DCC: variants seen among roughly 807,000 people sequenced by gnomAD.
The protein encoded by DCC is netrin receptor DCC.
A neutral mutation model predicts 172.5 loss-of-function variants in DCC; 58 were observed. That is an observed-to-expected ratio of 0.34 (90% CI 0.27 to 0.42). The LOEUF is 0.42. DCC is among the 10% of genes least tolerant of loss of function. The pLI, the probability that DCC is intolerant of heterozygous loss-of-function variation, is 1.00. For synonymous variants in DCC, 709 were observed against 644.5 expected (o/e 1.10, Z -1.52); for missense variants, 1,740 against 1,791.0 (o/e 0.97, Z 0.51).
chr18:53,471,721 G>T (rs1012171508), intron 25 of DCC, among the ~76,000 whole-genome samples: 5 of 152,036 alleles, frequency 3.3e-5, no homozygotes, highest in Non-Finnish European at 7.4e-5. Flanking sequence ...ATCTCTTTTT[G>T]TAGATATTTA....
intron 7 of DCC, among the ~76,000 whole-genome samples, chr18:53,079,589 G>A (rs139587784): frequency 2.1e-4 from 32 of 152,288 alleles, no homozygotes; most frequent in African/African-American, 7.5e-4. Context: ...TAATAGGGAA[G>A]TTTGGCATAG....
chr18:53,304,886 A>G (rs2057181106), intron 12 of DCC, among the ~76,000 whole-genome samples: 1 of 151,958 alleles, frequency 6.6e-6, no homozygotes, highest in South Asian at 2.1e-4. Flanking sequence ...CCTAAATCTC[A>G]TCTTGAATTG....
At chr18:53,196,946 G>A (rs138037965) in intron 9 of DCC, among the ~76,000 whole-genome samples, 201 of 152,158 alleles carry the variant, frequency 1.3e-3, no homozygotes, top group South Asian at 9.3e-3. Context: ...CAGTCAAGGA[G>A]AGGTTTCATT....
chr18:52,343,543 T>G (rs1037934787), intron 1 of DCC, among the ~76,000 whole-genome samples: 1 of 152,160 alleles, frequency 6.6e-6, no homozygotes, highest in African/African-American at 2.4e-5. Context: ...GGGAGGAGGA[T>G]GGTGACTTTT....
At chr18:52,641,212 A>G (rs147336441) in intron 1 of DCC, among the ~76,000 whole-genome samples, 1,883 of 152,348 alleles carry the variant, frequency 0.012, 19 homozygotes, top group Middle Eastern at 0.02. Context: ...CATAAAAATC[A>G]ACTCAAGATG....
At chr18:52,950,899 T>C (rs544767477) in intron 5 of DCC, among the ~76,000 whole-genome samples, 2 of 116,944 alleles carry the variant, frequency 1.7e-5, no homozygotes, top group South Asian at 3.0e-4. Flanking sequence ...CACTGCACTC[T>C]AGCCTGGGCG....
intron 1 of DCC, among the ~76,000 whole-genome samples, chr18:52,478,050 T>A (rs1989144433): frequency 6.6e-6 from 1 of 152,100 alleles, no homozygotes; most frequent in Admixed American, 6.6e-5. Flanking sequence ...GCTCAAGTGA[T>A]CCTCCTACCT....
chr18:53,199,200 C>G (rs114182617), intron 9 of DCC, among the ~76,000 whole-genome samples: 1 of 151,478 alleles, frequency 6.6e-6, no homozygotes, highest in Non-Finnish European at 1.5e-5. Flanking sequence ...AAGGGATTAT[C>G]CTGCCTTTGC....
chr18:52,716,990 G>T (rs149244629), intron 1 of DCC, among the ~76,000 whole-genome samples: 1 of 152,034 alleles, frequency 6.6e-6, no homozygotes, highest in Non-Finnish European at 1.5e-5. Context: ...TACTCCCCTC[G>T]CCCCTCCTGC....
intron 7 of DCC, among the ~76,000 whole-genome samples, chr18:53,123,817 C>T (rs970179345): frequency 2.0e-5 from 3 of 152,048 alleles, no homozygotes; most frequent in Admixed American, 6.6e-5. Context: ...CGGTCCTTTT[C>T]TCCACGTTTT....
At chr18:53,468,962 CT>C (rs1024801025) in intron 25 of DCC, among the ~76,000 whole-genome samples, 17 of 152,118 alleles carry the variant, frequency 1.1e-4, no homozygotes, top group African/African-American at 3.9e-4. Context: ...ATATTGATTC[CT>C]TCCCACCTCA....
intron 1 of DCC, among the ~76,000 whole-genome samples, chr18:52,464,631 G>A (rs1290386926): frequency 1.3e-5 from 2 of 152,196 alleles, no homozygotes; most frequent in East Asian, 3.9e-4. Context: ...GCTCAGATCT[G>A]TACTGGCATT....
At chr18:52,817,798 T>G (rs975280882) in intron 2 of DCC, among the ~76,000 whole-genome samples, 2 of 149,684 alleles carry the variant, frequency 1.3e-5, no homozygotes, top group Non-Finnish European at 3.0e-5. Context: ...TGTTTATATA[T>G]ATATATGTGT....
chr18:53,420,363 T>C (rs561965001), intron 21 of DCC, among the ~76,000 whole-genome samples: 1 of 152,284 alleles, frequency 6.6e-6, no homozygotes, highest in African/African-American at 2.4e-5. Context: ...ATCTTGTTAG[T>C]GGGGTGGCAA....
rs189690844 is a variant in DCC, at chr18:52,908,211, T to G, written c.697+1883T>G. Reference sequence around the variant, plus strand: ...GTAATTCTAAAAGCAAACTGGCAATTCAATTGAAAGTTTCCAGGTGCTTTA... The same window carrying G: ...GTAATTCTAAAAGCAAACTGGCAATGCAATTGAAAGTTTCCAGGTGCTTTA... On this transcript the variant is annotated intron_variant, in intron 3 of 28. Transcript: ENST00000442544. Among the ~76,000 whole-genome samples the G allele has an allele frequency of 2.1e-3, 316 of 152,280 alleles. 1 individual carries two copies. The highest frequency in any genetic ancestry group is 7.2e-3 in the African/African-American group (300 of 41,558).
chr18:52,529,393 C>T (rs1195761761), intron 1 of DCC, among the ~76,000 whole-genome samples: 7 of 152,282 alleles, frequency 4.6e-5, no homozygotes, highest in African/African-American at 1.7e-4. Flanking sequence ...CGGGTTCACG[C>T]CATTCTCCTG....
chr18:53,270,681 C>T lies in DCC; in HGVS notation c.1912-34897C>T, dbSNP rs114105963. Among the ~76,000 whole-genome samples the T allele has an allele frequency of 3.3e-3, 509 of 152,180 alleles. 6 individuals are homozygous for T. Among genetic ancestry groups the T allele is most frequent in the African/African-American group, 0.012 (486 of 41,522 alleles). On this transcript the variant is annotated intron_variant, in intron 12 of 28. Transcript: ENST00000442544. ...TGAAAATGTAATTAGCCCCTCGATA[C>T]CATATGGCACATTGGTACCCATTGT... is the stretch of plus-strand genomic sequence containing the variant.
chr18:53,106,899 G>A lies in DCC; in HGVS notation c.1261+40733G>A, dbSNP rs576814382. On this transcript the variant is annotated intron_variant, in intron 7 of 28. Transcript: ENST00000442544. ...GCCTGATAAAAGATTGTTAATCTTC[G>A]TGTAATTACTGTTTTCCACAAGAAT... Among the ~76,000 whole-genome samples, 20 of 151,936 alleles carry A rather than the reference G, an allele frequency of 1.3e-4. No homozygotes were observed. In the East Asian group the frequency reaches 1.4e-3, roughly 10 times the overall value.
rs1009080644 is a variant in DCC, at chr18:53,129,713, G to A, written c.1262-27643G>A. Among the ~76,000 whole-genome samples the A allele has an allele frequency of 2.6e-5, 4 of 152,078 alleles. No individual in the cohort carries two copies. The East Asian group carries it at 5.8e-4, about 22-fold the overall frequency. ...TTCAATTACATAGGCAAGTCCTAAT[G>A]TATTTATCTACTATCTACTATTTTG... On this transcript the variant is annotated intron_variant, in intron 7 of 28. Transcript: ENST00000442544.
Sources: allele counts gnomAD v4.1 joint callset (sites outside exome capture counted in the v4.1 genomes callset), GRCh38; gene constraint gnomAD v4.1.1; transcripts MANE v1.5; gene names NCBI Gene and HGNC (gene_info 2026-07-23, HGNC 2026-07-21).